AMPD2: variants seen among roughly 807,000 people sequenced by gnomAD.
AMPD2 encodes the protein AMP deaminase 2.
Under a neutral mutation model 91.3 loss-of-function variants are expected in AMPD2, and 52 were observed. That is an observed-to-expected ratio of 0.57 (90% CI 0.46 to 0.72). The LOEUF (loss-of-function observed/expected upper bound fraction) is 0.72, where lower values mean the gene tolerates loss of function less well. AMPD2 is among the 30% of genes least tolerant of loss of function. The probability of loss-of-function intolerance (pLI) is 0.00; values close to 1 mark genes in which losing one functional copy is unlikely to be tolerated. For missense variants in AMPD2, 822 were observed against 1,122.3 expected, an observed-to-expected ratio of 0.73 and a Z score of 3.82; for synonymous variants, 455 against 456.4, an observed-to-expected ratio of 1.00 and a Z score of 0.04.
Position 109,628,439 on chromosome 1 carries a change from A to C in AMPD2, c.1351A>C (p.Ile451Leu), listed in dbSNP as rs765641519. The change falls in exon 12 of 19, where the codon ATC (isoleucine) becomes CTC (leucine). Residue 451 changes from isoleucine to leucine, a missense_variant. Physicochemically the swap from Ile to Leu is conservative, Grantham distance 5. Coordinates refer to ENST00000528667, the MANE Select transcript of AMPD2 (RefSeq NM_001368809.2). This position sits in a 1 kb window ranked among gnomAD's most constrained non-coding sequence, Gnocchi z 7.1. ...NPIGESVLREIFIKTDNRVSG... is the reference protein window; with the variant it reads ...NPIGESVLRELFIKTDNRVSG... ...TATTGGGGAGTCCGTCCTCCGAGAG[A>C]TCTTCATCAAGACGGACAACAGGGT... 6.2e-7 allele frequency: 1 copy of C among 1,613,662 alleles called. No homozygotes were observed. The highest frequency in any genetic ancestry group is 2.2e-5 in the East Asian group (1 of 44,874).
Position 109,627,535 on chromosome 1 carries a change from C to T in AMPD2, c.950+17C>T. 1 of 1,613,452 alleles carries T rather than the reference C, an allele frequency of 6.2e-7. No individual in the cohort carries two copies. The highest frequency in any genetic ancestry group is 1.6e-4 in the Middle Eastern group (1 of 6,062). ...TGGCCCCATGTGAGTCCCCTGCCATCCCAGACACTTAGCTCCCCTCCCAGC... is the reference window on the plus strand; with the variant it reads ...TGGCCCCATGTGAGTCCCCTGCCATTCCAGACACTTAGCTCCCCTCCCAGC... On this transcript the variant is annotated intron_variant, in intron 9 of 18. Coordinates refer to ENST00000528667, the MANE Select transcript of AMPD2 (RefSeq NM_001368809.2).
In AMPD2 at chr1:109,625,643, C is replaced by G. The variant is rs1423811315; in HGVS notation, c.223-19C>G. On this transcript the variant is annotated intron_variant, in intron 3 of 18. Coordinates refer to ENST00000528667, the MANE Select transcript of AMPD2 (RefSeq NM_001368809.2). This position sits in a 1 kb window ranked among gnomAD's most constrained non-coding sequence, Gnocchi z 4.0. ...AGGGCGGAGGGCCAGCCATGCTGAC[C>G]TTCCTTCCCTCCCCCCAGGAGCTGT... 1 of 1,612,062 alleles carries G rather than the reference C, an allele frequency of 6.2e-7. No homozygotes were observed.
Position 109,625,250 on chromosome 1 carries a change from G to A in AMPD2, c.92-53G>A. On this transcript the variant is annotated intron_variant, in intron 2 of 18. Coordinates refer to ENST00000528667, the MANE Select transcript of AMPD2 (RefSeq NM_001368809.2). This position sits in a 1 kb window ranked among gnomAD's most constrained non-coding sequence, Gnocchi z 4.0. ...GGCCTAGGCAGGGCAGGGGCCCAGG[G>A]CTTTCAGGGGCTGCCCCTCCACCCT... The A allele has an allele frequency of 6.3e-7, 1 of 1,595,662 alleles. No individual in the cohort carries two copies. The highest frequency in any genetic ancestry group is 1.3e-5 in the African/African-American group (1 of 74,754).
At chr1:109,623,941 C>T (rs971431276) in intron 2 of AMPD2, 15 of 950,630 alleles carry the variant, frequency 1.6e-5, no homozygotes, top group Admixed American at 6.2e-5. Flanking sequence ...CCCCTAGCTC[C>T]GTGCTCACGG....
At chr1:109,626,251 G>A (rs756105491) in intron 5 of AMPD2, 23 bp downstream of exon 5, 2 of 1,613,604 alleles carry the variant, frequency 1.2e-6, no homozygotes, top group South Asian at 2.2e-5. Context: ...GAGGGGCACA[G>A]GGGATGCGGA....
Position 109,626,248 on chromosome 1 carries a change from A to G in AMPD2, c.422+20A>G. 1 of 1,613,458 alleles carries G rather than the reference A, an allele frequency of 6.2e-7. No homozygotes were observed. The highest frequency in any genetic ancestry group is 8.5e-7 in the Non-Finnish European group (1 of 1,179,748). ...CCTACAGTGAGGAGGGCAGAGGGGC[A>G]CAGGGGATGCGGAGCTGCAGCCTGC... On this transcript the variant is annotated intron_variant, in intron 5 of 18. Transcript: ENST00000528667.
intron 1 of AMPD2, chr1:109,620,697 G>A: frequency 8.2e-7 from 1 of 1,215,904 alleles, no homozygotes; most frequent in Non-Finnish European, 1.0e-6. Flanking sequence ...GCCCCGGGAG[G>A]ACTGTGTTTG....
At position 109,628,631 on chromosome 1, in the gene AMPD2, C is replaced by T. The variant is rs189047791; in HGVS notation, c.1408-12C>T. On this transcript the variant is annotated splice_polypyrimidine_tract_variant and intron_variant, in intron 12 of 18. Coordinates refer to ENST00000528667, the MANE Select transcript of AMPD2 (RefSeq NM_001368809.2). This position sits in a 1 kb window ranked among gnomAD's most constrained non-coding sequence, Gnocchi z 7.1. ...CTCACCTCATGTCTGACTCAGCTCA[C>T]CTCATGTCTAGGAGGTGATGTCAGA... The T allele has an allele frequency of 5.6e-4, 908 of 1,612,978 alleles. 6 individuals carry two copies. Among genetic ancestry groups the T allele is most frequent in the East Asian group, 4.5e-3 (204 of 44,840 alleles).
At chr1:109,626,667 T>G in intron 6 of AMPD2, 59 bp from the exon 7 acceptor site, 2 of 1,568,348 alleles carry the variant, frequency 1.3e-6, no homozygotes, top group Non-Finnish European at 8.7e-7. Flanking sequence ...GATAAGGCCT[T>G]AGGGAGGAGG....
At position 109,630,398 on chromosome 1, in the gene AMPD2, T is replaced by TTC; in HGVS notation, c.2150_2151dup (p.Thr718SerfsTer6). ...CACTGATGATCCCTTGCAGTTCCAC[T>TTC]TCACCAAGGTCAGAGCCCAGCAGGC... On this transcript the variant is annotated frameshift_variant, in exon 17 of 19. Transcript: ENST00000528667. LOFTEE classifies it high-confidence loss of function. 1 of 1,510,248 alleles carries TTC rather than the reference T, an allele frequency of 6.6e-7. No homozygotes were observed. The highest frequency in any genetic ancestry group is 9.0e-7 in the Non-Finnish European group (1 of 1,117,060). The allele number at this position is 1,510,248 out of a possible 1,614,324, so 93.6% of individuals were successfully genotyped here.
rs1219178172 is a variant in AMPD2 at position 109,620,940 on chromosome 1, C to T, written c.-236C>T. Reference sequence around the variant, plus strand: ...CCCAGCCACCATCAGTCACGTCACTCCTGGGACTGAGGAGGCAGGGGAGGG... The same window carrying T: ...CCCAGCCACCATCAGTCACGTCACTTCTGGGACTGAGGAGGCAGGGGAGGG... On this transcript the variant is annotated 5_prime_UTR_variant, in exon 2 of 19. Coordinates refer to ENST00000528667, the MANE Select transcript of AMPD2 (RefSeq NM_001368809.2). The T allele has an allele frequency of 2.0e-6, 3 of 1,516,974 alleles. No individual in the cohort carries two copies. The highest frequency in any genetic ancestry group is 2.8e-5 in the African/African-American group (2 of 71,760). 94.0% of individuals were successfully genotyped at this position (1,516,974 alleles called of 1,614,324 possible).
Position 109,628,673 on chromosome 1 carries a change from T to A in AMPD2, c.1438T>A (p.Tyr480Asn), listed in dbSNP as rs778603855. The change falls in exon 13 of 19, where the codon TAC (tyrosine) becomes AAC (asparagine). Residue 480 changes from tyrosine (Y) to asparagine (N), a missense_variant. This residue lies in a region of AMPD2 where 430 missense variants were observed against 606.0 expected (regional missense o/e 0.71). Transcript: ENST00000528667. The surrounding 1 kb of genome is among the most constrained non-coding windows in gnomAD (Gnocchi z 7.1). ...EVMSDLEESKYQNAELRLSIY... is the reference protein window; with the variant it reads ...EVMSDLEESKNQNAELRLSIY... ...GATGTCAGACCTGGAGGAGAGCAAA[T>A]ACCAGAATGCAGAGCTGCGGCTCTC... 1 of 1,613,908 alleles carries A rather than the reference T, an allele frequency of 6.2e-7. No individual in the cohort carries two copies. Among genetic ancestry groups the A allele is most frequent in the East Asian group, 2.2e-5 (1 of 44,878 alleles).
chr1:109,625,102 T>C lies in AMPD2; in HGVS notation c.92-201T>C, dbSNP rs1202874305. ...CAGAATCCCCACCCCAAGCCTGGAA[T>C]GGGTGAGGGGTCCCTGCGTTAGAGG... On this transcript the variant is annotated intron_variant, in intron 2 of 18. Coordinates refer to ENST00000528667, the MANE Select transcript of AMPD2 (RefSeq NM_001368809.2). This position sits in a 1 kb window ranked among gnomAD's most constrained non-coding sequence, Gnocchi z 4.0. Among the ~76,000 whole-genome samples, 1 of 152,076 alleles carries C rather than the reference T, an allele frequency of 6.6e-6. No homozygotes were observed. Among genetic ancestry groups the C allele is most frequent in the Non-Finnish European group, 1.5e-5 (1 of 67,964 alleles).
chr1:109,628,787 G>C lies in AMPD2; in HGVS notation c.1552G>C (p.Val518Leu). ...GCACTCCCCCAACGTGCGCTGGCTGGTGCAGGTGCCCCGCCTCTTGTGAGT... is the reference window on the plus strand; with the variant it reads ...GCACTCCCCCAACGTGCGCTGGCTGCTGCAGGTGCCCCGCCTCTTGTGAGT... ...RVHSPNVRWL[V>L]QVPRLFDVYR... is the part of the protein sequence containing the mutation. Residue 518 changes from valine (V) to leucine (L), a missense_variant, in exon 13 of 19, where the codon GTG becomes CTG. Around this residue, in one of 5 missense-constraint regions of AMPD2, gnomAD observed 430 missense variants for 606.0 expected, o/e 0.71. Transcript: ENST00000528667. This position sits in a 1 kb window ranked among gnomAD's most constrained non-coding sequence, Gnocchi z 7.1. 1 of 1,567,146 alleles carries C rather than the reference G, an allele frequency of 6.4e-7. No homozygotes were observed. The highest frequency in any genetic ancestry group is 8.7e-7 in the Non-Finnish European group (1 of 1,155,600).
intron 13 of AMPD2, 71 bp from the exon 14 acceptor site, chr1:109,629,038 C>T (rs1227221726): frequency 1.3e-6 from 2 of 1,586,006 alleles, no homozygotes; most frequent in East Asian, 4.5e-5. Context: ...AAGCTCTGAC[C>T]CTTGCTGGAC....
In AMPD2 at chr1:109,629,532, G is replaced by A. The variant is rs369859143; in HGVS notation, c.1862+42G>A. The A allele has an allele frequency of 5.2e-4, 841 of 1,603,102 alleles. 11 individuals are homozygous for A. In the South Asian group the frequency reaches 7.4e-3, roughly 14 times the overall value. ...GTGTCTGCTTGCTATGCCATCTCTC[G>A]CCCAACAAACCTCACTCTTGGCACC... On this transcript the variant is annotated intron_variant, in intron 15 of 18. Coordinates refer to ENST00000528667, the MANE Select transcript of AMPD2 (RefSeq NM_001368809.2).
intron 6 of AMPD2, 73 bp from the exon 7 acceptor site, chr1:109,626,653 C>T (rs1650712243): frequency 1.3e-6 from 2 of 1,544,058 alleles, no homozygotes; most frequent in Admixed American, 1.9e-5. Flanking sequence ...AGTTTGGGTT[C>T]TAAGATAAGG....
chr1:109,628,205 G>T lies in AMPD2; in HGVS notation c.1203G>T (p.Thr401=), dbSNP rs756936910. 6.2e-7 allele frequency: 1 copy of T among 1,614,042 alleles called. No individual in the cohort carries two copies. Among genetic ancestry groups the T allele is most frequent in the Admixed American group, 1.7e-5 (1 of 60,030 alleles). ...ACGTGGAGCAGGGCCGTGAACAGAC[G>T]CTGCGGGAGGTCTTTGAGAGCATGA... ...IVHVEQGREQ[T]LREVFESMNL... is the part of the protein sequence containing the mutation. The change falls in exon 11 of 19, where the codon ACG becomes ACT. Residue 401 remains threonine, a synonymous_variant. Transcript: ENST00000528667. This position sits in a 1 kb window ranked among gnomAD's most constrained non-coding sequence, Gnocchi z 7.1.
At chr1:109,627,608 T>C (rs989816030) in intron 9 of AMPD2, 90 bp downstream of exon 9, 1 of 1,551,048 alleles carries the variant, frequency 6.4e-7, no homozygotes, top group Non-Finnish European at 8.9e-7. Context: ...TCACCTGGTG[T>C]CTTGCCCTTC....
Sources: gnomAD v4.1 joint callset for allele counts (sites outside exome capture counted in the v4.1 genomes callset) on GRCh38, gnomAD v4.1.1 for gene constraint, gnomAD v4.1.1 regional missense constraint, Gnocchi (gnomAD v3.1) non-coding constraint, MANE v1.5 for transcripts, NCBI Gene and HGNC (gene_info 2026-07-23, HGNC 2026-07-21) for gene names.